DPEP2: variants seen among roughly 807,000 people sequenced by gnomAD.
The protein encoded by DPEP2 is dipeptidase 2.
DPEP2 carries 45 observed loss-of-function variants against 51.8 expected under a neutral mutation model. The ratio of observed to expected loss-of-function variants is 0.87; its 90% CI spans 0.68 to 1.11. The LOEUF is 1.11. Ranked by LOEUF, DPEP2 falls within the 50% of genes most tolerant of loss-of-function variation. The pLI, the probability that DPEP2 is intolerant of heterozygous loss-of-function variation, is 0.00. For missense variants in DPEP2, 604 were observed against 631.9 expected (o/e 0.96, Z 0.47); for synonymous variants, 255 against 262.7 (o/e 0.97, Z 0.28).
intron 2 of DPEP2, 145 bp downstream of exon 2, chr16:67,992,805 G>C: frequency 6.8e-7 from 1 of 1,478,240 alleles, no homozygotes; most frequent in Non-Finnish European, 9.0e-7. Flanking sequence ...GGATGACAGA[G>C]GGGAAAGGGT....
chr16:67,995,972 A>AAACAACAAC (rs376768981), intron 1 of DPEP2, among the ~76,000 whole-genome samples: 3 of 151,030 alleles, frequency 2.0e-5, no homozygotes, highest in African/African-American at 7.3e-5. Flanking sequence ...TCCCCCCGCC[A>AAACAACAAC]AACAACAACA....
chr16:67,998,499 C>T (rs2032833914), intron 1 of DPEP2, among the ~76,000 whole-genome samples: 1 of 152,196 alleles, frequency 6.6e-6, no homozygotes, highest in African/African-American at 2.4e-5. Flanking sequence ...AGCCTCCCAC[C>T]CCCTCCATGG....
In DPEP2 at chr16:67,993,308, G is replaced by A. The variant is rs1371939904; in HGVS notation, c.-45-51C>T. On this transcript the variant is annotated intron_variant, in intron 1 of 10. Coordinates refer to ENST00000393847, the MANE Select transcript of DPEP2 (RefSeq NM_022355.4). ...GCGCGACGATGGAGTCCCGACCCTC[G>A]ATTCAGGCCACCTGGCGGCGTGGCC... The A allele has an allele frequency of 3.7e-6, 5 of 1,337,230 alleles. No homozygotes were observed. The East Asian group carries it at 9.0e-5, about 24-fold the overall frequency. The allele number at this position is 1,337,230 out of a possible 1,614,324, so 82.8% of individuals were successfully genotyped here. A position where few individuals can be genotyped will look rare whatever the true frequency, so the allele number is the denominator to read the frequency against.
chr16:67,999,408 C>T lies in DPEP2; in HGVS notation c.-79G>A. 4.7e-6 allele frequency: 4 copies of T among 856,748 alleles called. No homozygotes were observed. The highest frequency in any genetic ancestry group is 5.6e-6 in the Non-Finnish European group (4 of 711,678). 53.1% of individuals were successfully genotyped at this position (856,748 alleles called of 1,614,324 possible). ...CTGTAACACTCACTGCGAGGGTCTG[C>T]AGCTTCATTCTAGAACTCAGTGAGA... On this transcript the variant is annotated 5_prime_UTR_variant, in exon 1 of 11. Coordinates refer to ENST00000393847, the MANE Select transcript of DPEP2 (RefSeq NM_022355.4).
At chr16:67,995,834 C>T (rs1020241691) in intron 1 of DPEP2, among the ~76,000 whole-genome samples, 3 of 151,838 alleles carry the variant, frequency 2.0e-5, no homozygotes, top group Non-Finnish European at 2.9e-5. Flanking sequence ...CTTGGTGGTG[C>T]GCGCCTGTAG....
At chr16:67,996,560 T>A (rs957846960) in intron 1 of DPEP2, among the ~76,000 whole-genome samples, 1 of 152,084 alleles carries the variant, frequency 6.6e-6, no homozygotes, top group African/African-American at 2.4e-5. Context: ...TTTGTATTTT[T>A]TAGTAGAGAT....
chr16:67,999,469 G>A lies in DPEP2; in HGVS notation c.-140C>T. On this transcript the variant is annotated 5_prime_UTR_variant, in exon 1 of 11. Coordinates refer to ENST00000393847, the MANE Select transcript of DPEP2 (RefSeq NM_022355.4). ...ACCAATTCCGGACACACTAAGACAA[G>A]ATTTCACTAGTGTGTGCTGTTTCCC... 1.0e-6 allele frequency: 1 copy of A among 990,074 alleles called. No individual in the cohort carries two copies. Among genetic ancestry groups the A allele is most frequent in the South Asian group, 4.6e-5 (1 of 21,626 alleles). The allele number at this position is 990,074 out of a possible 1,614,324, so 61.3% of individuals were successfully genotyped here.
At chr16:67,999,653 G>A (rs946676453), upstream of DPEP2, 3 of 221,368 alleles carry the variant, frequency 1.4e-5, no homozygotes, top group African/African-American at 7.0e-5. Flanking sequence ...AGGACATGGT[G>A]GCTCATGCCT....
At position 67,995,972 on chromosome 16, in the gene DPEP2, AAAC is replaced by A. The variant is rs376768981; in HGVS notation, c.-45-2718_-45-2716del. Among the ~76,000 whole-genome samples the A allele has an allele frequency of 1.4e-3, 218 of 150,976 alleles. 1 individual carries two copies. Among genetic ancestry groups the A allele is most frequent in the South Asian group, 7.5e-3 (36 of 4,772 alleles). On this transcript the variant is annotated intron_variant, in intron 1 of 10. Coordinates refer to ENST00000393847, the MANE Select transcript of DPEP2 (RefSeq NM_022355.4). ...GAGCGAGACCCTGTCTCCCCCCGCC[AAAC>A]AACAACAACAACAACAACAACAACA...
In DPEP2 at chr16:67,990,128, T is replaced by C; in HGVS notation, c.913A>G (p.Lys305Glu). 6.2e-7 allele frequency: 1 copy of C among 1,614,052 alleles called. No homozygotes were observed. The highest frequency in any genetic ancestry group is 8.5e-7 in the Non-Finnish European group (1 of 1,179,974). ...GACACCATCACGACGCCACCGTTCT[T>C]CTTCTGCAGGGGCGGGCAAGTGGAC... Reference protein sequence around the residue: ...VPDDILQLLKKNGGVVMVSLS... With the variant: ...VPDDILQLLKENGGVVMVSLS... The change falls in exon 8 of 11, where the codon AAG becomes GAG. Residue 305 changes from lysine to glutamate, a missense_variant. By Grantham distance (56) the Lys-to-Glu change is moderately conservative. Transcript: ENST00000393847.
chr16:68,000,539 C>G (rs772132541), upstream of DPEP2: 34 of 967,588 alleles, frequency 3.5e-5, no homozygotes, highest in Admixed American at 6.2e-5. Flanking sequence ...CGCCCTGGAT[C>G]TGCTCCCATG....
Position 67,999,483 on chromosome 16 carries a change from G to C in DPEP2, c.-154C>G, listed in dbSNP as rs760680903. 2.6e-5 allele frequency: 26 copies of C among 987,832 alleles called. No homozygotes were observed. Among genetic ancestry groups the C allele is most frequent in the Non-Finnish European group, 2.9e-5 (24 of 831,802 alleles). The allele number at this position is 987,832 out of a possible 1,614,324, so 61.2% of individuals were successfully genotyped here. On this transcript the variant is annotated 5_prime_UTR_variant, in exon 1 of 11. Coordinates refer to ENST00000393847, the MANE Select transcript of DPEP2 (RefSeq NM_022355.4). ...CACTAAGACAAGATTTCACTAGTGT[G>C]TGCTGTTTCCCCTGCAAGGGGGAGG...
chr16:67,998,464 C>G (rs982898181), intron 1 of DPEP2, among the ~76,000 whole-genome samples: 2 of 152,228 alleles, frequency 1.3e-5, no homozygotes, highest in Non-Finnish European at 2.9e-5. Context: ...GGGCAGGGCT[C>G]GGGACCTGCA....
At chr16:67,994,547 C>A in intron 1 of DPEP2, 1 of 985,508 alleles carries the variant, frequency 1.0e-6, no homozygotes, top group Non-Finnish European at 1.2e-6. Flanking sequence ...GAGACCTTTG[C>A]CTCCTCCTGC....
rs35421512 is a variant in DPEP2, at chr16:67,996,999, A to ATATTATTAT, written c.-46+2367_-46+2375dup. Among the ~76,000 whole-genome samples the ATATTATTAT allele has an allele frequency of 1.6e-3, 220 of 139,106 alleles. 1 individual carries two copies. The highest frequency in any genetic ancestry group is 2.3e-3 in the South Asian group (10 of 4,256). 91.3% of individuals were successfully genotyped at this position (139,106 alleles called of 152,430 possible). On this transcript the variant is annotated intron_variant, in intron 1 of 10. Transcript: ENST00000393847. ...CCTGTCTGTAAAAAAATAGATAATGATATTATTATTATTATTATTATTATT... is the reference window on the plus strand; with the variant it reads ...CCTGTCTGTAAAAAAATAGATAATGATATTATTATTATTATTATTATTATTATTATTATT...
At chr16:67,998,255 G>A (rs1464158825) in intron 1 of DPEP2, among the ~76,000 whole-genome samples, 2 of 152,108 alleles carry the variant, frequency 1.3e-5, no homozygotes, top group Non-Finnish European at 2.9e-5. Flanking sequence ...AGCGGCGCTT[G>A]CGGGCCAGCT....
At chr16:67,988,317 G>A (rs1234583609) in intron 9 of DPEP2, among the ~76,000 whole-genome samples, 1 of 152,006 alleles carries the variant, frequency 6.6e-6, no homozygotes. Context: ...GGCCAAGGTG[G>A]GCGGATCACT....
rs1044174940 is a variant in DPEP2, at chr16:67,999,445, C to T, written c.-116G>A. ...AGAACTCAGTGAGACCAAGAACCCA[C>T]CAATTCCGGACACACTAAGACAAGA... On this transcript the variant is annotated 5_prime_UTR_variant, in exon 1 of 11. The change creates a new upstream start codon in the 5' untranslated region. Coordinates refer to ENST00000393847, the MANE Select transcript of DPEP2 (RefSeq NM_022355.4). 1 of 990,718 alleles carries T rather than the reference C, an allele frequency of 1.0e-6. No homozygotes were observed. The highest frequency in any genetic ancestry group is 4.6e-5 in the South Asian group (1 of 21,650). The allele number at this position is 990,718 out of a possible 1,614,324, so 61.4% of individuals were successfully genotyped here.
chr16:67,988,983 GAGA>G (rs1425988192), intron 9 of DPEP2, among the ~76,000 whole-genome samples: 3 of 152,142 alleles, frequency 2.0e-5, no homozygotes, highest in Non-Finnish European at 2.9e-5. Flanking sequence ...GGAAGAAAAG[GAGA>G]AGGAGAAGGA....
Sources: allele counts gnomAD v4.1 joint callset (sites outside exome capture counted in the v4.1 genomes callset), GRCh38; gene constraint gnomAD v4.1.1; transcripts MANE v1.5; gene names NCBI Gene and HGNC (gene_info 2026-07-23, HGNC 2026-07-21).